DDX1: variants seen among roughly 807,000 people sequenced by gnomAD.
DDX1 encodes the protein DEAD-box helicase 1.
In DDX1, 28 loss-of-function variants were observed where a neutral mutation model predicts 108.7. The observed-to-expected ratio is 0.26, with a 90% confidence interval of 0.19 to 0.35. DDX1 has a LOEUF of 0.35. DDX1 is among the 10% of genes least tolerant of loss of function. The pLI is 1.00. For missense variants in DDX1, 710 were observed against 884.5 expected, an observed-to-expected ratio of 0.80 and a Z score of 2.50; for synonymous variants, 295 against 288.9, an observed-to-expected ratio of 1.02 and a Z score of -0.21.
rs373348992 is a variant in DDX1 at position 15,602,828 on chromosome 2, C to T, written c.391+197C>T. On this transcript the variant is annotated intron_variant, in intron 7 of 25. Coordinates refer to ENST00000233084, the MANE Select transcript of DDX1 (RefSeq NM_004939.3). ...TCCCGGGTTCAAGCAATTCTCCTAC[C>T]GCAGCTTCCCGAGTAGCTGGGATTA... 1.1e-4 allele frequency among the ~76,000 whole-genome samples: 16 copies of T among 152,272 alleles called. 2 individuals are homozygous for T. In the South Asian group the frequency reaches 3.1e-3, roughly 30 times the overall value.
At chr2:15,628,347 A>T in intron 20 of DDX1, 98 bp from the exon 21 acceptor site, 1 of 868,586 alleles carries the variant, frequency 1.2e-6, no homozygotes, top group Non-Finnish European at 1.9e-6. Flanking sequence ...GTAACACTTG[A>T]GTTTTTAGAG....
At chr2:15,616,062 T>TG (rs1665888482) in intron 14 of DDX1, among the ~76,000 whole-genome samples, 2 of 148,982 alleles carry the variant, frequency 1.3e-5, no homozygotes, top group African/African-American at 5.0e-5. Flanking sequence ...CCGGCTAATT[T>TG]TGTGTGTGTG....
intron 24 of DDX1, 99 bp downstream of exon 24, chr2:15,629,796 C>G: frequency 9.2e-7 from 1 of 1,089,866 alleles, no homozygotes; most frequent in Non-Finnish European, 1.3e-6. Context: ...CTGTTTGTCA[C>G]TTATAAGGGA....
At chr2:15,621,012 G>A in intron 17 of DDX1, 53 bp from the exon 18 acceptor site, 3 of 1,117,408 alleles carry the variant, frequency 2.7e-6, no homozygotes, top group Admixed American at 3.9e-5. Context: ...CATATATTCT[G>A]AATCATTATT....
chr2:15,630,362 G>C (rs1027798842), intron 25 of DDX1, among the ~76,000 whole-genome samples: 2 of 152,206 alleles, frequency 1.3e-5, no homozygotes, highest in African/African-American at 4.8e-5. Context: ...CATAAGAGTA[G>C]TTGAACATTT....
At chr2:15,618,681 G>A (rs1024077176) in intron 16 of DDX1, among the ~76,000 whole-genome samples, 4 of 152,230 alleles carry the variant, frequency 2.6e-5, no homozygotes, top group Admixed American at 6.5e-5. Context: ...GCCCCCTTCC[G>A]CCCAGGAGCC....
Position 15,613,255 on chromosome 2 carries a change from C to G in DDX1, c.988C>G (p.Arg330Gly), listed in dbSNP as rs201761924. Residue 330 changes from arginine to glycine, a missense_variant, in exon 14 of 26, where the codon CGG becomes GGG. This residue lies in a region of DDX1 where 661 missense variants were observed against 810.2 expected (regional missense o/e 0.82). Coordinates refer to ENST00000233084, the MANE Select transcript of DDX1 (RefSeq NM_004939.3). The stretch of plus-strand genomic sequence containing the variant: ...TCTGATAATTGGAGGTGTTGCAGCC[C>G]GGGATCAGCTCTCTGTTTTGGAAAA... Reference protein sequence around the residue: ...ELLIIGGVAARDQLSVLENGV... With the variant: ...ELLIIGGVAAGDQLSVLENGV... 2 of 1,605,538 alleles carry G rather than the reference C, an allele frequency of 1.2e-6. No homozygotes were observed.
At chr2:15,622,419 T>C (rs1666029769) in intron 18 of DDX1, among the ~76,000 whole-genome samples, 1 of 152,184 alleles carries the variant, frequency 6.6e-6, no homozygotes, top group Non-Finnish European at 1.5e-5. Flanking sequence ...TTTGAAAATA[T>C]AGGAAGGTAC....
intron 20 of DDX1, 26 bp from the exon 21 acceptor site, chr2:15,628,419 C>G (rs1666137237): frequency 2.5e-6 from 4 of 1,569,958 alleles, no homozygotes; most frequent in Non-Finnish European, 3.5e-6. Flanking sequence ...TAACAAACTC[C>G]TTTCTCTCTT....
intron 4 of DDX1, among the ~76,000 whole-genome samples, chr2:15,597,035 TAAAATA>T (rs1319708490): frequency 1.3e-5 from 2 of 152,218 alleles, no homozygotes; most frequent in Non-Finnish European, 2.9e-5. Context: ...TGATGACTCT[TAAAATA>T]AAAAGGTTAC....
chr2:15,617,102 C>CTTTT (rs11305723), intron 14 of DDX1, 142 bp from the exon 15 acceptor site: 30 of 364,266 alleles, frequency 8.2e-5, no homozygotes, highest in South Asian at 2.2e-4. Context: ...TCTGTAACTC[C>CTTTT]TTTTTTTTTT....
Position 15,614,120 on chromosome 2 carries a change from C to T in DDX1, c.1017+836C>T, listed in dbSNP as rs558477327. ...ACAGGAGTGAACTACTGCGCCTGGCCGAAGTTTAGGAAATTTTTAACTGTT... is the reference window on the plus strand; with the variant it reads ...ACAGGAGTGAACTACTGCGCCTGGCTGAAGTTTAGGAAATTTTTAACTGTT... On this transcript the variant is annotated intron_variant, in intron 14 of 25. Coordinates refer to ENST00000233084, the MANE Select transcript of DDX1 (RefSeq NM_004939.3). 2.4e-4 allele frequency among the ~76,000 whole-genome samples: 37 copies of T among 152,186 alleles called. 1 individual carries two copies. Among genetic ancestry groups the T allele is most frequent in the African/African-American group, 8.7e-4 (36 of 41,514 alleles).
At chr2:15,611,544 C>T (rs1262369558) in intron 13 of DDX1, among the ~76,000 whole-genome samples, 215 of 132,412 alleles carry the variant, frequency 1.6e-3, no homozygotes, top group African/African-American at 4.9e-3. Context: ...CCGGACGGGG[C>T]GGCTGGCCGG....
At chr2:15,598,645 C>T (rs1172350050) in intron 5 of DDX1, among the ~76,000 whole-genome samples, 1 of 152,126 alleles carries the variant, frequency 6.6e-6, no homozygotes, top group African/African-American at 2.4e-5. Context: ...CATTGAGCCA[C>T]AATGCAAGGG....
chr2:15,620,489 T>G (rs761855615), intron 17 of DDX1, 93 bp downstream of exon 17: 3 of 946,144 alleles, frequency 3.2e-6, no homozygotes, highest in Non-Finnish European at 4.7e-6. Context: ...AGGCAATCAG[T>G]TATTGTATCA....
chr2:15,595,768 C>G (rs1424066228), intron 3 of DDX1, among the ~76,000 whole-genome samples: 2 of 152,122 alleles, frequency 1.3e-5, no homozygotes, highest in East Asian at 1.9e-4. Context: ...AATCTCGTAT[C>G]AGAGAGAATG....
intron 5 of DDX1, 83 bp downstream of exon 5, chr2:15,597,554 GC>G (rs1665522190): frequency 1.1e-6 from 1 of 936,860 alleles, no homozygotes; most frequent in African/African-American, 1.7e-5. Context: ...ATTTGGGTAT[GC>G]ATTTTTAAAA....
At chr2:15,613,147 A>G in intron 13 of DDX1, 77 bp from the exon 14 acceptor site, 1 of 968,100 alleles carries the variant, frequency 1.0e-6, no homozygotes, top group Non-Finnish European at 1.5e-6. Flanking sequence ...ACCTAAAATA[A>G]ATGGATGCAG....
intron 15 of DDX1, 30 bp downstream of exon 15, chr2:15,617,372 A>G (rs754317585): frequency 7.4e-7 from 1 of 1,359,856 alleles, no homozygotes; most frequent in East Asian, 2.4e-5. Flanking sequence ...TACTTTTTAA[A>G]AAGTTTACTT....
Sources: gnomAD v4.1 joint callset for allele counts (sites outside exome capture counted in the v4.1 genomes callset) on GRCh38, gnomAD v4.1.1 for gene constraint, gnomAD v4.1.1 regional missense constraint, MANE v1.5 for transcripts, NCBI Gene and HGNC (gene_info 2026-07-23, HGNC 2026-07-21) for gene names.